The following PXK variants were observed in gnomAD, a reference collection of about 807,000 sequenced individuals.
PXK encodes the protein PX domain-containing protein kinase-like protein.
PXK carries 35 observed loss-of-function variants against 84.7 expected under a neutral mutation model. That is an observed-to-expected ratio of 0.41 (90% confidence interval 0.32 to 0.55). The LOEUF is 0.55. Ranked by LOEUF, PXK falls within the 20% of genes least tolerant of loss-of-function variation. The pLI, the probability that PXK is intolerant of heterozygous loss-of-function variation, is 0.21. For synonymous variants in PXK, 253 were observed against 260.8 expected (o/e 0.97, Z 0.29); for missense variants, 634 against 699.7 (o/e 0.91, Z 1.06).
intron 4 of PXK, among the ~76,000 whole-genome samples, chr3:58,387,626 C>T (rs972966532): frequency 6.6e-6 from 1 of 151,986 alleles, no homozygotes; most frequent in Admixed American, 6.6e-5. Flanking sequence ...GTAGCCAGGC[C>T]GAGAGGCAGT....
intron 1 of PXK, among the ~76,000 whole-genome samples, chr3:58,359,586 CAA>C (rs1249065149): frequency 6.6e-6 from 1 of 151,260 alleles, no homozygotes; most frequent in Non-Finnish European, 1.5e-5. Context: ...AATCGATGCG[CAA>C]AGTGATTTTT....
chr3:58,403,513 T>G (rs748008177), intron 12 of PXK, among the ~76,000 whole-genome samples: 2 of 152,196 alleles, frequency 1.3e-5, no homozygotes, highest in Non-Finnish European at 1.5e-5. Flanking sequence ...AGAAAACTAT[T>G]CTATTTAGAA....
Position 58,369,628 on chromosome 3 carries a change from C to T in PXK, c.201+150C>T, listed in dbSNP as rs1365292171. On this transcript the variant is annotated intron_variant, in intron 3 of 17. Coordinates refer to ENST00000356151, the MANE Select transcript of PXK (RefSeq NM_017771.5). ...ATCACCTGAGGTCAGGCGTTCAAGA[C>T]CACCTGACCAACATGGAGAAACCCC... The T allele has an allele frequency of 5.2e-6, 3 of 576,036 alleles. No homozygotes were observed. In the African/African-American group the frequency reaches 5.7e-5, roughly 11 times the overall value. 35.7% of individuals were successfully genotyped at this position (576,036 alleles called of 1,614,324 possible).
Position 58,336,065 on chromosome 3 carries a change from ATATATATTTTTTTTTT to A in PXK, c.102+2977_102+2992del, listed in dbSNP as rs1173675276. Among the ~76,000 whole-genome samples the A allele has an allele frequency of 8.7e-5, 5 of 57,158 alleles. 1 individual carries two copies. The highest frequency in any genetic ancestry group is 6.2e-4 in the African/African-American group (5 of 8,116). 37.5% of individuals were successfully genotyped at this position (57,158 alleles called of 152,430 possible). A position where few individuals can be genotyped will look rare whatever the true frequency, so the allele number is the denominator to read the frequency against. Reference sequence around the variant, plus strand: ...TATATATATATATATATATATATATATATATATTTTTTTTTTTTTTTTTTAATACCAATGGGGTTCT... The same window carrying A: ...TATATATATATATATATATATATATATTTTTTTTAATACCAATGGGGTTCT... On this transcript the variant is annotated intron_variant, in intron 1 of 17. Transcript: ENST00000356151.
At chr3:58,349,768 C>T (rs376140321) in intron 1 of PXK, among the ~76,000 whole-genome samples, 26 of 152,326 alleles carry the variant, frequency 1.7e-4, no homozygotes, top group African/African-American at 2.9e-4. Context: ...TCAGTCCCTT[C>T]GTCACCCTAT....
At chr3:58,375,914 A>C (rs1409332909) in intron 3 of PXK, among the ~76,000 whole-genome samples, 1 of 152,168 alleles carries the variant, frequency 6.6e-6, no homozygotes, top group Non-Finnish European at 1.5e-5. Flanking sequence ...AATTGCTTTA[A>C]GTAATGAATG....
At chr3:58,335,704 G>C (rs1199338160) in intron 1 of PXK, among the ~76,000 whole-genome samples, 123 of 152,226 alleles carry the variant, frequency 8.1e-4, no homozygotes, top group Non-Finnish European at 1.8e-4. Flanking sequence ...CTTGGGGTTG[G>C]AAGAGGCAAG....
rs2061768592 is a variant in PXK at position 58,421,115 on chromosome 3, C to A, written c.1529-3637C>A. On this transcript the variant is annotated intron_variant, in intron 17 of 17. Transcript: ENST00000356151. This position sits in a 1 kb window ranked among gnomAD's most constrained non-coding sequence, Gnocchi z 5.5. ...AAGGAGAAGGTGGTTCTCCCGAGAG[C>A]TGGGGGCTTGCCTGCTTCGGTTCTC... 3 of 985,420 alleles carry A rather than the reference C, an allele frequency of 3.0e-6. No individual in the cohort carries two copies. The highest frequency in any genetic ancestry group is 2.4e-6 in the Non-Finnish European group (2 of 829,924). 61.0% of individuals were successfully genotyped at this position (985,420 alleles called of 1,614,324 possible).
At chr3:58,423,052 C>T (rs1314987184) in intron 17 of PXK, 7 of 985,244 alleles carry the variant, frequency 7.1e-6, no homozygotes, top group African/African-American at 1.7e-5. Context: ...CCCAAGTGGG[C>T]AGAGCTCACT....
chr3:58,373,408 C>A (rs543740951), intron 3 of PXK, among the ~76,000 whole-genome samples: 4 of 152,082 alleles, frequency 2.6e-5, no homozygotes, highest in Non-Finnish European at 4.4e-5. Flanking sequence ...GTTTCACTTT[C>A]GCCGCTGAAA....
chr3:58,408,403 A>T (rs2059695400), intron 13 of PXK, among the ~76,000 whole-genome samples: 1 of 152,120 alleles, frequency 6.6e-6, no homozygotes, highest in East Asian at 1.9e-4. Flanking sequence ...ATGTTTATTT[A>T]TGTTTTAGTT....
intron 3 of PXK, among the ~76,000 whole-genome samples, chr3:58,378,332 C>T (rs915563060): frequency 6.6e-6 from 1 of 151,980 alleles, no homozygotes; most frequent in Non-Finnish European, 1.5e-5. Context: ...ATAAAGCCCA[C>T]AGTAGATAAA....
chr3:58,424,866 GC>G lies in PXK; in HGVS notation c.1645del (p.Arg549GlufsTer16). The stretch of plus-strand genomic sequence containing the variant: ...TCGTCTCAGGCTGTGAATGGCATGA[GC>G]CGAGGGGCCTTGCTCAGCTCCATCC... ...QLSSQAVNGM[S>X]RGALLSSIQN... On this transcript the variant is annotated frameshift_variant, in exon 18 of 18. Coordinates refer to ENST00000356151, the MANE Select transcript of PXK (RefSeq NM_017771.5). LOFTEE classifies it high-confidence loss of function. The G allele has an allele frequency of 6.2e-7, 1 of 1,614,250 alleles. No homozygotes were observed. Among genetic ancestry groups the G allele is most frequent in the Non-Finnish European group, 8.5e-7 (1 of 1,180,044 alleles).
Position 58,333,681 on chromosome 3 carries a change from T to TA in PXK, c.102+593dup, listed in dbSNP as rs1283779594. ...GTGGGGGCGGCAGTCGGGGCGCTGT[T>TA]AAGCAGGTGTATGAATGTGCTTCTC... is the stretch of plus-strand genomic sequence containing the variant. On this transcript the variant is annotated intron_variant, in intron 1 of 17. Transcript: ENST00000356151. The surrounding 1 kb of genome is among the most constrained non-coding windows in gnomAD (Gnocchi z 5.4). 1.1e-5 allele frequency: 5 copies of TA among 456,104 alleles called. No individual in the cohort carries two copies. The highest frequency in any genetic ancestry group is 4.7e-5 in the Admixed American group (2 of 42,512). 28.3% of individuals were successfully genotyped at this position (456,104 alleles called of 1,614,324 possible). A position where few individuals can be genotyped will look rare whatever the true frequency, so the allele number is the denominator to read the frequency against.
At chr3:58,389,681 A>AAAC (rs2098603405) in intron 4 of PXK, among the ~76,000 whole-genome samples, 1 of 135,060 alleles carries the variant, frequency 7.4e-6, no homozygotes, top group South Asian at 2.6e-4. Flanking sequence ...AACAAACAAA[A>AAAC]AAAAAAACCA....
At position 58,385,146 on chromosome 3, in the gene PXK, C is replaced by T. The variant is rs2098540740; in HGVS notation, c.388+2446C>T. On this transcript the variant is annotated intron_variant, in intron 4 of 17. Transcript: ENST00000356151. The surrounding 1 kb of genome is among the most constrained non-coding windows in gnomAD (Gnocchi z 5.1). ...ACTCCCCCTCCCCACCCCCAGGCCT[C>T]CAGCATGGTAGAGAGTCAGGAGTCC... 6.6e-6 allele frequency among the ~76,000 whole-genome samples: 1 copy of T among 152,140 alleles called. No homozygotes were observed. The highest frequency in any genetic ancestry group is 1.5e-5 in the Non-Finnish European group (1 of 68,034).
At chr3:58,346,614 C>G (rs558424970) in intron 1 of PXK, among the ~76,000 whole-genome samples, 1 of 152,148 alleles carries the variant, frequency 6.6e-6, no homozygotes, top group East Asian at 1.9e-4. Flanking sequence ...TCACTATGTG[C>G]CAAGCCAAGT....
At chr3:58,408,816 C>A (rs2059767993) in intron 13 of PXK, 108 bp from the exon 14 acceptor site, 5 of 844,240 alleles carry the variant, frequency 5.9e-6, no homozygotes, top group Non-Finnish European at 9.8e-6. Flanking sequence ...GCCACCGCGC[C>A]CGGCCGAAAT....
chr3:58,422,516 C>T (rs953517996), intron 17 of PXK: 5 of 985,246 alleles, frequency 5.1e-6, no homozygotes, highest in Admixed American at 6.1e-5. Flanking sequence ...TTGACACCAC[C>T]TACATTTTCA....
Sources: gnomAD v4.1 joint callset for allele counts (sites outside exome capture counted in the v4.1 genomes callset) on GRCh38, gnomAD v4.1.1 for gene constraint, Gnocchi (gnomAD v3.1) non-coding constraint, MANE v1.5 for transcripts, NCBI Gene and HGNC (gene_info 2026-07-23, HGNC 2026-07-21) for gene names.